Variants in ARHGEF33 observed in about 807,000 individuals in gnomAD.
The protein encoded by ARHGEF33 is DH and coiled-coil domain-containing protein ENSP00000381780.
In ARHGEF33, 72 loss-of-function variants were observed where a neutral mutation model predicts 101.9. The observed-to-expected ratio is 0.71, with a 90% CI of 0.58 to 0.86. The LOEUF is 0.86. ARHGEF33 is among the 40% of genes least tolerant of loss of function. The pLI, the probability that ARHGEF33 is intolerant of heterozygous loss-of-function variation, is 0.00. For missense variants in ARHGEF33, 1,169 were observed against 1,111.3 expected (o/e 1.05, Z -0.74); for synonymous variants, 499 against 442.5 (o/e 1.13, Z -1.60).
intron 2 of ARHGEF33, among the ~76,000 whole-genome samples, chr2:38,910,333 G>A (rs1331184764): frequency 6.6e-5 from 10 of 152,210 alleles, no homozygotes; most frequent in Admixed American, 6.5e-4. Flanking sequence ...CACTTTGGGA[G>A]GCCAAGGCAG....
intron 2 of ARHGEF33, among the ~76,000 whole-genome samples, chr2:38,907,671 G>T (rs1666421346): frequency 1.3e-5 from 2 of 152,180 alleles, no homozygotes; most frequent in Admixed American, 6.5e-5. Flanking sequence ...GGAGGGAGTT[G>T]TCTCTGGAGC....
chr2:38,921,430 A>G lies in ARHGEF33; in HGVS notation c.75+7A>G, dbSNP rs1666754324. On this transcript the variant is annotated splice_region_variant and intron_variant, in intron 4 of 17. Coordinates refer to ENST00000409978, the MANE Select transcript of ARHGEF33 (RefSeq NM_001145451.5). ...TTCCACGCAGATTTACCAGGTAAAGACAAATCGATTGTTTCAAATGCTCCC... is the reference window on the plus strand; with the variant it reads ...TTCCACGCAGATTTACCAGGTAAAGGCAAATCGATTGTTTCAAATGCTCCC... 4.6e-6 allele frequency: 7 copies of G among 1,529,632 alleles called. No homozygotes were observed. The highest frequency in any genetic ancestry group is 6.2e-6 in the Non-Finnish European group (7 of 1,126,960). 94.8% of individuals were successfully genotyped at this position (1,529,632 alleles called of 1,614,324 possible).
At chr2:38,971,360 T>C (rs1219381586) in intron 17 of ARHGEF33, among the ~76,000 whole-genome samples, 2 of 152,216 alleles carry the variant, frequency 1.3e-5, no homozygotes, top group African/African-American at 2.4e-5. Context: ...CTGGCAGCCA[T>C]GGTACCCTTC....
chr2:38,931,109 G>C lies in ARHGEF33; in HGVS notation c.363G>C (p.Lys121Asn). ...CCTTGTCTTTGTTTCTCTTTCCTAG[G>C]AAAACTCAAAAAGAAGAGCACAGCT... ...KRRESRKVKA[K>N]KTQKEEHSSQ... The change falls in exon 7 of 18, where the codon AAG (lysine) becomes AAC (asparagine). Residue 121 changes from lysine (K) to asparagine (N), a missense_variant and splice_region_variant. Physicochemically the swap from Lys to Asn is moderately conservative, Grantham distance 94 (BLOSUM62 0). Transcript: ENST00000409978. 6.5e-7 allele frequency: 1 copy of C among 1,541,382 alleles called. No homozygotes were observed. Among genetic ancestry groups the C allele is most frequent in the Non-Finnish European group, 8.7e-7 (1 of 1,144,346 alleles).
chr2:38,960,766 G>C (rs1343243273), intron 16 of ARHGEF33, 118 bp downstream of exon 16: 2 of 859,440 alleles, frequency 2.3e-6, no homozygotes, highest in East Asian at 1.9e-4. Flanking sequence ...CTAGGGGGCG[G>C]CTGCGCGAGC....
intron 1 of ARHGEF33, among the ~76,000 whole-genome samples, chr2:38,891,193 C>T (rs1558420116): frequency 6.6e-6 from 1 of 152,056 alleles, no homozygotes; most frequent in Non-Finnish European, 1.5e-5. Context: ...TTCAGCCTCC[C>T]AAAGTGCTGG....
chr2:38,909,023 T>C (rs1012153709), intron 2 of ARHGEF33, among the ~76,000 whole-genome samples: 1 of 151,994 alleles, frequency 6.6e-6, no homozygotes, highest in Non-Finnish European at 1.5e-5. Flanking sequence ...TTGTTGAGAG[T>C]ATGTTGAGAA....
At position 38,904,920 on chromosome 2, in the gene ARHGEF33, A is replaced by G. The variant is rs77341740; in HGVS notation, c.-86+9071A>G. On this transcript the variant is annotated intron_variant, in intron 2 of 17. Coordinates refer to ENST00000409978, the MANE Select transcript of ARHGEF33 (RefSeq NM_001145451.5). ...AGGCGACAATGAAAAGCAAAGGAGA[A>G]AATGAAAGACACCTTAGCAAGGAAG... Among the ~76,000 whole-genome samples the G allele has an allele frequency of 3.3e-5, 5 of 152,328 alleles. No homozygotes were observed. The East Asian group carries it at 9.6e-4, about 29-fold the overall frequency.
At position 38,974,026 on chromosome 2, in the gene ARHGEF33, A is replaced by G. The variant is rs917805580; in HGVS notation, c.*183A>G. 12 of 317,856 alleles carry G rather than the reference A, an allele frequency of 3.8e-5. No homozygotes were observed. The highest frequency in any genetic ancestry group is 2.5e-4 in the African/African-American group (11 of 44,766). The allele number at this position is 317,856 out of a possible 1,614,324, so 19.7% of individuals were successfully genotyped here. ...AAACATACAAGACATTGAAGAGATG[A>G]AGATTAGTTTCTGGTTAAGATCTGG... On this transcript the variant is annotated 3_prime_UTR_variant, in exon 18 of 18. Transcript: ENST00000409978.
At chr2:38,912,041 T>G (rs1451459113) in intron 2 of ARHGEF33, among the ~76,000 whole-genome samples, 3 of 152,168 alleles carry the variant, frequency 2.0e-5, no homozygotes, top group African/African-American at 7.2e-5. Flanking sequence ...AGCCTGGGCT[T>G]CAAAAAATAT....
At position 38,966,105 on chromosome 2, in the gene ARHGEF33, G is replaced by A. The variant is rs1183215853; in HGVS notation, c.2443G>A (p.Gly815Arg). The change falls in exon 17 of 18, where the codon GGG becomes AGG. Residue 815 changes from glycine (G) to arginine (R), a missense_variant. By Grantham distance (125) the Gly-to-Arg change is moderately radical. Transcript: ENST00000409978. ...SDQNPRQDQK[G>R]GFRSSFRKLF... ...TCAAAATCCCAGGCAAGACCAGAAG[G>A]GGGGCTTTCGCAGCTCCTTCCGCAA... is the stretch of plus-strand genomic sequence containing the variant. 3.9e-6 allele frequency: 6 copies of A among 1,551,560 alleles called. No individual in the cohort carries two copies. The highest frequency in any genetic ancestry group is 4.4e-6 in the Non-Finnish European group (5 of 1,146,990).
chr2:38,890,100 G>C (rs186544536), intron 1 of ARHGEF33, 114 bp downstream of exon 1: 82 of 209,366 alleles, frequency 3.9e-4, no homozygotes, highest in Admixed American at 1.9e-3. Context: ...TCCAATATAT[G>C]CTAACATTTA....
At chr2:38,906,116 A>C (rs1666381311) in intron 2 of ARHGEF33, among the ~76,000 whole-genome samples, 2 of 151,532 alleles carry the variant, frequency 1.3e-5, no homozygotes, top group African/African-American at 4.9e-5. Context: ...AGGTGGAGCC[A>C]AGATTGTGCC....
At chr2:38,970,513 A>G (rs189543674) in intron 17 of ARHGEF33, among the ~76,000 whole-genome samples, 115 of 152,292 alleles carry the variant, frequency 7.6e-4, no homozygotes, top group Admixed American at 6.4e-3. Context: ...TAACTTGAAC[A>G]TTAAAGGGGA....
At position 38,937,384 on chromosome 2, in the gene ARHGEF33, C is replaced by G; in HGVS notation, c.615C>G (p.Leu205=). 1.4e-6 allele frequency: 2 copies of G among 1,447,128 alleles called. No homozygotes were observed. The highest frequency in any genetic ancestry group is 1.8e-6 in the Non-Finnish European group (2 of 1,084,744). 89.6% of individuals were successfully genotyped at this position (1,447,128 alleles called of 1,614,324 possible). Residue 205 remains leucine, a synonymous_variant, in exon 9 of 18, where the codon CTC becomes CTG. Transcript: ENST00000409978. ...CAGAAGAAAACCTCAAGTCTTGCCTCTCGGCTGATATCCAGTCCAAGGGCC... is the reference window on the plus strand; with the variant it reads ...CAGAAGAAAACCTCAAGTCTTGCCTGTCGGCTGATATCCAGTCCAAGGGCC... ...PEAEENLKSC[L]SADIQSKGHL...
chr2:38,960,104 A>G lies in ARHGEF33; in HGVS notation c.1799A>G (p.Glu600Gly), dbSNP rs1180843300. ...NVERSLRAPA[E>G]LLPDARGFVP... ...GAGCGCTCCCTGCGCGCCCCGGCCG[A>G]GCTCCTGCCCGATGCCCGCGGCTTC... Residue 600 changes from glutamate (E) to glycine (G), a missense_variant, in exon 16 of 18, where the codon GAG (glutamate) becomes GGG (glycine). Transcript: ENST00000409978. 2 of 1,542,114 alleles carry G rather than the reference A, an allele frequency of 1.3e-6. No homozygotes were observed. Among genetic ancestry groups the G allele is most frequent in the East Asian group, 4.9e-5 (2 of 40,802 alleles).
chr2:38,903,966 C>T (rs186523742), intron 2 of ARHGEF33, among the ~76,000 whole-genome samples: 4 of 152,286 alleles, frequency 2.6e-5, no homozygotes, highest in African/African-American at 9.6e-5. Context: ...TATTGAACTT[C>T]TACCCTATGT....
chr2:38,915,941 C>G (rs1238820412), intron 2 of ARHGEF33, among the ~76,000 whole-genome samples: 1 of 151,904 alleles, frequency 6.6e-6, no homozygotes, highest in African/African-American at 2.4e-5. Context: ...CAGGTGGGTC[C>G]CTTAAGCCTA....
chr2:38,950,719 C>T (rs1350987224), intron 10 of ARHGEF33, among the ~76,000 whole-genome samples: 2 of 152,204 alleles, frequency 1.3e-5, no homozygotes, highest in Non-Finnish European at 2.9e-5. Context: ...GCTGGGATTA[C>T]AGGTGTGGCA....
Sources: allele counts gnomAD v4.1 joint callset (sites outside exome capture counted in the v4.1 genomes callset), GRCh38; gene constraint gnomAD v4.1.1; transcripts MANE v1.5; gene names NCBI Gene and HGNC (gene_info 2026-07-23, HGNC 2026-07-21).